The following TXNDC8 variants were observed in gnomAD, a reference collection of about 807,000 sequenced individuals.
TXNDC8 encodes thioredoxin domain containing 8.
Under a neutral mutation model 12.9 loss-of-function variants are expected in TXNDC8, and 15 were observed. The ratio of observed to expected loss-of-function variants is 1.16; its 90% CI spans 0.78 to 1.79. The LOEUF (loss-of-function observed/expected upper bound fraction) is 1.79. Ranked by LOEUF, TXNDC8 falls within the 40% of genes most tolerant of loss-of-function variation. TXNDC8 has a pLI of 0.00. For missense variants in TXNDC8, 128 were observed against 113.2 expected (o/e 1.13, Z -0.59); for synonymous variants, 40 against 35.4 (o/e 1.13, Z -0.46).
intron 3 of TXNDC8, among the ~76,000 whole-genome samples, chr9:110,313,203 C>G (rs114474114): frequency 0.025 from 3,855 of 152,184 alleles, 148 homozygotes; most frequent in African/African-American, 0.087. Flanking sequence ...ACCATGCCTG[C>G]CCCTACGAGT....
chr9:110,313,393 TGTA>T (rs1382158543), intron 3 of TXNDC8, among the ~76,000 whole-genome samples: 2 of 152,138 alleles, frequency 1.3e-5, no homozygotes, highest in Non-Finnish European at 2.9e-5. Context: ...GAAGTCCATG[TGTA>T]GACTTCAGAG....
At chr9:110,308,796 G>A (rs1838554368) in intron 3 of TXNDC8, among the ~76,000 whole-genome samples, 1 of 152,216 alleles carries the variant, frequency 6.6e-6, no homozygotes. Flanking sequence ...AGAATTCAGA[G>A]CAAAGGTGCC....
chr9:110,324,195 T>C (rs1839220836), intron 3 of TXNDC8, among the ~76,000 whole-genome samples: 1 of 152,150 alleles, frequency 6.6e-6, no homozygotes, highest in Non-Finnish European at 1.5e-5. Context: ...ATGAAACTGA[T>C]TTTGAAAGGA....
intron 3 of TXNDC8, among the ~76,000 whole-genome samples, chr9:110,308,575 G>A (rs1293465380): frequency 6.6e-6 from 1 of 151,886 alleles, no homozygotes; most frequent in Admixed American, 6.6e-5. Context: ...GGGTAACAAG[G>A]CCTCTCTAAT....
chr9:110,331,926 C>T (rs1839562154), intron 2 of TXNDC8, among the ~76,000 whole-genome samples: 1 of 152,072 alleles, frequency 6.6e-6, no homozygotes, highest in Non-Finnish European at 1.5e-5. Flanking sequence ...GTTGGGGACC[C>T]CTGATCTAGG....
At chr9:110,302,795 G>A (rs1312536746), downstream of TXNDC8, among the ~76,000 whole-genome samples, 1 of 152,118 alleles carries the variant, frequency 6.6e-6, no homozygotes, top group Non-Finnish European at 1.5e-5. Flanking sequence ...TGGGCATGGT[G>A]GCTCATGCCT....
At chr9:110,304,389 G>A in intron 4 of TXNDC8, 78 bp downstream of exon 5, 5 of 1,330,416 alleles carry the variant, frequency 3.8e-6, no homozygotes, top group East Asian at 2.4e-5. Flanking sequence ...GCAGCATTCT[G>A]CCTGAGTGTG....
At chr9:110,305,680 CTCTT>C (rs781576696) in intron 3 of TXNDC8, among the ~76,000 whole-genome samples, 16 of 138,124 alleles carry the variant, frequency 1.2e-4, no homozygotes, top group South Asian at 2.3e-4. Flanking sequence ...CTTTCTTACT[CTCTT>C]TCTTTCTCCT....
chr9:110,305,586 C>CT (rs1379204561), intron 3 of TXNDC8, among the ~76,000 whole-genome samples: 2 of 138,238 alleles, frequency 1.4e-5, no homozygotes, highest in Admixed American at 7.2e-5. Flanking sequence ...TTCTTTCTTT[C>CT]TTTCTTTCTT....
At chr9:110,304,332 G>T in intron 4 of TXNDC8, 135 bp downstream of exon 5, 2 of 725,794 alleles carry the variant, frequency 2.8e-6, no homozygotes, top group South Asian at 2.1e-5. Flanking sequence ...CCGGTGTGCT[G>T]CAGGGAGAAA....
At chr9:110,304,405 A>G in intron 4 of TXNDC8, 62 bp downstream of exon 5, 1 of 1,462,516 alleles carries the variant, frequency 6.8e-7, no homozygotes, top group Non-Finnish European at 9.5e-7. Context: ...GTGTGTCATT[A>G]TATTTATTCC....
chr9:110,328,143 A>G lies in TXNDC8; in HGVS notation c.130-1903T>C, dbSNP rs973299857. On this transcript the variant is annotated intron_variant, in intron 2 of 4. Coordinates refer to ENST00000423740, the MANE Select transcript of TXNDC8 (RefSeq NM_001286946.2). ...AACTGAAGTTTATGGAGGTTGAACT[A>G]TAATGGGTCATAAAATCATTAAAGG... Among the ~76,000 whole-genome samples, 5 of 152,370 alleles carry G rather than the reference A, an allele frequency of 3.3e-5. No individual in the cohort carries two copies. In the South Asian group the frequency reaches 6.2e-4, roughly 19 times the overall value.
intron 3 of TXNDC8, among the ~76,000 whole-genome samples, chr9:110,319,240 T>A (rs1308762358): frequency 6.6e-6 from 1 of 152,232 alleles, no homozygotes; most frequent in Non-Finnish European, 1.5e-5. Flanking sequence ...AGGTTAAATA[T>A]TATTGGGTAG....
At chr9:110,328,916 GCTGAGGAGGATT>G (rs1212453872) in intron 2 of TXNDC8, among the ~76,000 whole-genome samples, 12 of 152,222 alleles carry the variant, frequency 7.9e-5, no homozygotes, top group Admixed American at 7.9e-4. Context: ...GAGCAACTCT[GCTGAGGAGGATT>G]CTGAGGCAGA....
rs1211172858 is a variant in TXNDC8 at position 110,304,541 on chromosome 9, G to A, written c.196-9C>T. ...CTTGAGAATAGGGTTACCTAAGTGT[G>A]GGTGCAGAATTTCATAATTTATCTG... On this transcript the variant is annotated splice_polypyrimidine_tract_variant and intron_variant, in intron 3 of 4. Transcript: ENST00000423740. 6.2e-7 allele frequency: 1 copy of A among 1,601,790 alleles called. No homozygotes were observed. Among genetic ancestry groups the A allele is most frequent in the Non-Finnish European group, 8.5e-7 (1 of 1,172,272 alleles).
intron 3 of TXNDC8, chr9:110,323,134 A>G (rs917938575): frequency 1.4e-5 from 14 of 985,404 alleles, no homozygotes; most frequent in Non-Finnish European, 1.3e-5. Context: ...TCTGGAGAAC[A>G]GAGATATGGT....
At chr9:110,319,718 C>T (rs1262437250) in intron 3 of TXNDC8, among the ~76,000 whole-genome samples, 2 of 152,230 alleles carry the variant, frequency 1.3e-5, no homozygotes, top group Non-Finnish European at 2.9e-5. Flanking sequence ...ACATCTTCCT[C>T]AAAAGTATTG....
At chr9:110,304,633 G>A in intron 3 of TXNDC8, 101 bp from the exon 5 acceptor site, 2 of 1,096,468 alleles carry the variant, frequency 1.8e-6, no homozygotes, top group Non-Finnish European at 2.6e-6. Context: ...GAAGGAAGGT[G>A]TCAGAAAGGA....
intron 3 of TXNDC8, among the ~76,000 whole-genome samples, chr9:110,319,444 G>C (rs1264869305): frequency 2.0e-5 from 3 of 152,176 alleles, no homozygotes; most frequent in African/African-American, 7.2e-5. Flanking sequence ...CCAGTGCTAG[G>C]CACTTTAGAT....
Sources: gnomAD v4.1 joint callset for allele counts (sites outside exome capture counted in the v4.1 genomes callset) on GRCh38, gnomAD v4.1.1 for gene constraint, MANE v1.5 for transcripts, NCBI Gene and HGNC (gene_info 2026-07-23, HGNC 2026-07-21) for gene names.